SH3PXD2A: variants seen among roughly 807,000 people sequenced by gnomAD.
The protein encoded by SH3PXD2A is SH3 and PX domains 2A.
A neutral mutation model predicts 115.2 loss-of-function variants in SH3PXD2A; 32 were observed. The ratio of observed to expected loss-of-function variants is 0.28; its 90% CI spans 0.21 to 0.37. The LOEUF is 0.37. SH3PXD2A is among the 10% of genes least tolerant of loss of function. The probability of loss-of-function intolerance (pLI) is 1.00; values close to 1 mark genes in which losing one functional copy is unlikely to be tolerated. For synonymous variants in SH3PXD2A, 610 were observed against 629.1 expected (o/e 0.97, Z 0.45); for missense variants, 1,328 against 1,498.7 (o/e 0.89, Z 1.88).
intron 1 of SH3PXD2A, among the ~76,000 whole-genome samples, chr10:103,812,562 C>G (rs2039280832): frequency 6.6e-6 from 1 of 152,150 alleles, no homozygotes; most frequent in Admixed American, 6.5e-5. Context: ...CCTACTGACC[C>G]CGACACACAC....
intron 5 of SH3PXD2A, among the ~76,000 whole-genome samples, chr10:103,705,071 T>A (rs1469267454): frequency 1.3e-5 from 2 of 152,092 alleles, no homozygotes; most frequent in Non-Finnish European, 2.9e-5. Flanking sequence ...TGCCTTCCTG[T>A]CAACCCTGAA....
At chr10:103,778,811 T>G (rs529067762) in intron 2 of SH3PXD2A, among the ~76,000 whole-genome samples, 1 of 152,000 alleles carries the variant, frequency 6.6e-6, no homozygotes, top group Non-Finnish European at 1.5e-5. Context: ...GCCTTTTGGG[T>G]TTTTCACCTA....
At chr10:103,842,204 T>C (rs1021538921) in intron 1 of SH3PXD2A, among the ~76,000 whole-genome samples, 5 of 43,786 alleles carry the variant, frequency 1.1e-4, no homozygotes, top group Non-Finnish European at 3.7e-4. Context: ...TAGTTTTCCC[T>C]ACGCCATTCA....
At chr10:103,754,106 C>T (rs1168354875) in intron 3 of SH3PXD2A, 1 of 152,222 alleles carries the variant, frequency 6.6e-6, no homozygotes, top group Non-Finnish European at 1.5e-5. Flanking sequence ...AACTCTCCTC[C>T]CTGGCTCCTT....
At chr10:103,668,752 G>A (rs1344749110) in intron 6 of SH3PXD2A, 100 bp from the exon 7 acceptor site, 11 of 1,088,008 alleles carry the variant, frequency 1.0e-5, no homozygotes, top group Admixed American at 2.0e-5. Flanking sequence ...TGCAGGCGCC[G>A]CGCTCGGCCA....
intron 5 of SH3PXD2A, among the ~76,000 whole-genome samples, chr10:103,720,010 G>A (rs972464607): frequency 4.6e-5 from 7 of 152,168 alleles, no homozygotes; most frequent in African/African-American, 9.7e-5. Flanking sequence ...GTGAGCCACC[G>A]TGCCCGGCCA....
intron 8 of SH3PXD2A, among the ~76,000 whole-genome samples, chr10:103,656,622 G>A (rs529825041): frequency 1.3e-3 from 202 of 152,248 alleles, no homozygotes; most frequent in Non-Finnish European, 2.5e-3. Flanking sequence ...CTGAGGTAAG[G>A]AGTTTGAGAC....
intron 4 of SH3PXD2A, among the ~76,000 whole-genome samples, chr10:103,729,868 G>A (rs1483106537): frequency 6.6e-6 from 1 of 152,138 alleles, no homozygotes; most frequent in Non-Finnish European, 1.5e-5. Flanking sequence ...TGCCCCTCAA[G>A]ACCATTTCAT....
chr10:103,740,935 C>T (rs927870990), intron 3 of SH3PXD2A, among the ~76,000 whole-genome samples: 1 of 152,144 alleles, frequency 6.6e-6, no homozygotes, highest in Non-Finnish European at 1.5e-5. Context: ...GAGGGCCTTG[C>T]TCTCAGGAGT....
intron 3 of SH3PXD2A, among the ~76,000 whole-genome samples, chr10:103,751,932 C>G (rs1479395246): frequency 6.6e-6 from 1 of 152,198 alleles, no homozygotes; most frequent in Non-Finnish European, 1.5e-5. Flanking sequence ...TTCATGCCTC[C>G]TGATATTTTG....
chr10:103,714,296 A>T (rs2038079876), intron 5 of SH3PXD2A, among the ~76,000 whole-genome samples: 1 of 152,178 alleles, frequency 6.6e-6, no homozygotes, highest in Admixed American at 6.5e-5. Flanking sequence ...CATAGAATGC[A>T]CAAGCCCAAG....
chr10:103,804,415 G>A (rs763169196), intron 1 of SH3PXD2A, among the ~76,000 whole-genome samples: 10 of 145,914 alleles, frequency 6.9e-5, no homozygotes, highest in African/African-American at 1.0e-4. Context: ...TCCGCCTCCC[G>A]GGTTCACGCC....
In SH3PXD2A at chr10:103,785,402, G is replaced by C. The variant is rs561935154; in HGVS notation, c.153+15880C>G. Among the ~76,000 whole-genome samples the C allele has an allele frequency of 2.6e-5, 4 of 152,206 alleles. No individual in the cohort carries two copies. In the South Asian group the frequency reaches 8.3e-4, roughly 32 times the overall value. On this transcript the variant is annotated intron_variant, in intron 2 of 14. Coordinates refer to ENST00000369774, the MANE Select transcript of SH3PXD2A (RefSeq NM_001394015.1). Reference sequence around the variant, plus strand: ...AGCTGGCCCAAGACTCCTGCCCTCCGTGCCCCTAACCCCACTCACAGGGAC... The same window carrying C: ...AGCTGGCCCAAGACTCCTGCCCTCCCTGCCCCTAACCCCACTCACAGGGAC...
chr10:103,606,093 G>T (rs2036296164), intron 13 of SH3PXD2A, among the ~76,000 whole-genome samples, 176 bp from the exon 14 acceptor site: 1 of 152,086 alleles, frequency 6.6e-6, no homozygotes. Flanking sequence ...ATCGCCAGGG[G>T]ACTACTCTGA....
At chr10:103,631,563 G>A (rs1371675454) in intron 8 of SH3PXD2A, among the ~76,000 whole-genome samples, 3 of 152,122 alleles carry the variant, frequency 2.0e-5, no homozygotes, top group African/African-American at 7.2e-5. Context: ...AATCACTAAG[G>A]ATCATGATTG....
At chr10:103,757,314 C>A (rs1367302616) in intron 3 of SH3PXD2A, among the ~76,000 whole-genome samples, 1 of 152,148 alleles carries the variant, frequency 6.6e-6, no homozygotes, top group Non-Finnish European at 1.5e-5. Context: ...TGGTGATTAG[C>A]ATGGGGTGCA....
intron 3 of SH3PXD2A, among the ~76,000 whole-genome samples, chr10:103,740,368 G>A (rs2038431241): frequency 6.6e-6 from 1 of 152,166 alleles, no homozygotes; most frequent in Non-Finnish European, 1.5e-5. Context: ...GCCACCGTGA[G>A]GACTTTGGAT....
At position 103,602,536 on chromosome 10, in the gene SH3PXD2A, C is replaced by T. The variant is rs2036234180; in HGVS notation, c.2682G>A (p.Leu894=). Residue 894 remains leucine, a synonymous_variant, in exon 15 of 15, where the codon TTG becomes TTA. Coordinates refer to ENST00000369774, the MANE Select transcript of SH3PXD2A (RefSeq NM_001394015.1). ...CAGGTTGCTCGTTCTCATCCAGCAC[C>T]AAATAGTGGGAAGGGGCCCAGCCCT... ...ELEGWAPSHY[L]VLDENEQPDP... 3 of 1,614,066 alleles carry T rather than the reference C, an allele frequency of 1.9e-6. No individual in the cohort carries two copies. Among genetic ancestry groups the T allele is most frequent in the Non-Finnish European group, 2.5e-6 (3 of 1,180,034 alleles).
At chr10:103,753,249 G>A (rs1420294592) in intron 3 of SH3PXD2A, among the ~76,000 whole-genome samples, 3 of 148,968 alleles carry the variant, frequency 2.0e-5, no homozygotes, top group African/African-American at 7.4e-5. Flanking sequence ...GGAGGCCAAG[G>A]TGGGCAGATC....
Sources: allele counts gnomAD v4.1 joint callset (sites outside exome capture counted in the v4.1 genomes callset), GRCh38; gene constraint gnomAD v4.1.1; transcripts MANE v1.5; gene names NCBI Gene and HGNC (gene_info 2026-07-23, HGNC 2026-07-21).